The following DROSHA variants were observed in gnomAD, a reference collection of about 807,000 sequenced individuals.
The protein encoded by DROSHA is ribonuclease 3.
Under a neutral mutation model 181.9 loss-of-function variants are expected in DROSHA, and 56 were observed. The ratio of observed to expected loss-of-function variants is 0.31; its 90% CI spans 0.25 to 0.38. The LOEUF (loss-of-function observed/expected upper bound fraction) is 0.38, where lower values mean the gene tolerates loss of function less well. Ranked by LOEUF, DROSHA falls within the 10% of genes least tolerant of loss-of-function variation. DROSHA has a pLI of 1.00. For missense variants in DROSHA, 1,218 were observed against 1,743.5 expected (o/e 0.70, Z 5.37); for synonymous variants, 524 against 591.2 (o/e 0.89, Z 1.65).
Position 31,401,265 on chromosome 5 carries a change from C to G in DROSHA, c.*167G>C. 4 of 936,874 alleles carry G rather than the reference C, an allele frequency of 4.3e-6. No homozygotes were observed. The highest frequency in any genetic ancestry group is 2.9e-5 in the East Asian group (1 of 35,074). The allele number at this position is 936,874 out of a possible 1,614,324, so 58.0% of individuals were successfully genotyped here. On this transcript the variant is annotated 3_prime_UTR_variant, in exon 36 of 36. Coordinates refer to ENST00000344624, the MANE Select transcript of DROSHA (RefSeq NM_001382508.1). ...AAAATCTAATACTTTGTAATAAAGACCATCCAGCTAAAAACAGATCATTAA... is the reference window on the plus strand; with the variant it reads ...AAAATCTAATACTTTGTAATAAAGAGCATCCAGCTAAAAACAGATCATTAA...
intron 23 of DROSHA, among the ~76,000 whole-genome samples, chr5:31,447,345 C>T (rs1041637459): frequency 6.6e-5 from 10 of 152,110 alleles, no homozygotes; most frequent in Admixed American, 5.9e-4. Flanking sequence ...CACAAGTTTA[C>T]CTATGTAACA....
intron 20 of DROSHA, among the ~76,000 whole-genome samples, chr5:31,461,633 A>C (rs565617461): frequency 6.6e-6 from 1 of 152,294 alleles, no homozygotes; most frequent in East Asian, 1.9e-4. Flanking sequence ...ATTCTGGAAC[A>C]AGGAAAGGTA....
chr5:31,416,587 C>T (rs1741979694), intron 30 of DROSHA, among the ~76,000 whole-genome samples: 1 of 152,116 alleles, frequency 6.6e-6, no homozygotes, highest in Non-Finnish European at 1.5e-5. Flanking sequence ...CCAGAAGTCA[C>T]ACCAGAAAGG....
intron 16 of DROSHA, among the ~76,000 whole-genome samples, chr5:31,480,881 G>A (rs1750957976): frequency 6.6e-6 from 1 of 152,036 alleles, no homozygotes; most frequent in African/African-American, 2.4e-5. Flanking sequence ...GATGGGAAAG[G>A]CAAAATGCTA....
At position 31,464,229 on chromosome 5, in the gene DROSHA, T is replaced by C; in HGVS notation, c.2574+7A>G. 1 of 1,612,966 alleles carries C rather than the reference T, an allele frequency of 6.2e-7. No individual in the cohort carries two copies. ...GGGCATAACTGTGTCCTCAGAAGTC[T>C]CCCCACCTGACAGACATCAGAACGG... is the stretch of plus-strand genomic sequence containing the variant. On this transcript the variant is annotated splice_region_variant and intron_variant, in intron 20 of 35. Coordinates refer to ENST00000344624, the MANE Select transcript of DROSHA (RefSeq NM_001382508.1).
intron 23 of DROSHA, among the ~76,000 whole-genome samples, chr5:31,441,198 C>T (rs1346187075): frequency 1.6e-4 from 24 of 151,498 alleles, no homozygotes; most frequent in Non-Finnish European, 1.5e-5. Context: ...ACAGCTTAGG[C>T]CAGACGTTCA....
chr5:31,527,148 T>C (rs541952030), intron 4 of DROSHA, among the ~76,000 whole-genome samples: 159 of 152,218 alleles, frequency 1.0e-3, no homozygotes, highest in Middle Eastern at 6.8e-3. Flanking sequence ...GTTTAGTCCC[T>C]GGACCGACCA....
At chr5:31,469,547 G>T (rs918386279) in intron 17 of DROSHA, among the ~76,000 whole-genome samples, 4 of 152,156 alleles carry the variant, frequency 2.6e-5, no homozygotes, top group Non-Finnish European at 5.9e-5. Context: ...GCTATTTAAG[G>T]TCAAAGAATT....
At chr5:31,525,972 T>C in intron 5 of DROSHA, 107 bp downstream of exon 5, 1 of 1,115,368 alleles carries the variant, frequency 9.0e-7, no homozygotes, top group Non-Finnish European at 1.2e-6. Context: ...TTTCCTTACA[T>C]AAATCAAGAT....
chr5:31,505,033 CG>C (rs1332304233), intron 10 of DROSHA, among the ~76,000 whole-genome samples: 1 of 152,114 alleles, frequency 6.6e-6, no homozygotes, highest in African/African-American at 2.4e-5. Flanking sequence ...AGGTGACCTG[CG>C]GATTCAATGT....
chr5:31,496,922 C>G (rs553196265), intron 11 of DROSHA, among the ~76,000 whole-genome samples: 16 of 152,210 alleles, frequency 1.1e-4, no homozygotes, highest in Non-Finnish European at 2.2e-4. Flanking sequence ...AACCTATTTG[C>G]AGACTTCCAT....
intron 8 of DROSHA, 43 bp from the exon 9 acceptor site, chr5:31,511,219 C>A (rs368179284): frequency 1.2e-5 from 18 of 1,561,600 alleles, no homozygotes; most frequent in East Asian, 2.3e-5. Context: ...ATATCAATAA[C>A]GATCATATCA....
chr5:31,431,805 T>A (rs1335505531), intron 25 of DROSHA, 127 bp from the exon 26 acceptor site: 1 of 750,974 alleles, frequency 1.3e-6, no homozygotes, highest in Non-Finnish European at 2.2e-6. Flanking sequence ...TACAAATCCA[T>A]GAATATATTA....
At chr5:31,517,267 C>A (rs1330356587) in intron 6 of DROSHA, among the ~76,000 whole-genome samples, 1 of 152,128 alleles carries the variant, frequency 6.6e-6, no homozygotes, top group African/African-American at 2.4e-5. Context: ...TGCATTGTAA[C>A]CGTTTCCAGT....
intron 20 of DROSHA, among the ~76,000 whole-genome samples, chr5:31,458,857 G>A (rs1748014314): frequency 6.6e-6 from 1 of 152,152 alleles, no homozygotes; most frequent in African/African-American, 2.4e-5. Flanking sequence ...GGAAACACAA[G>A]GGGCAGAAGT....
chr5:31,429,423 A>C, intron 27 of DROSHA, 52 bp downstream of exon 27: 1 of 1,491,234 alleles, frequency 6.7e-7, no homozygotes, highest in Non-Finnish European at 9.1e-7. Context: ...CTGAAATAAA[A>C]TATTCTGTAA....
intron 16 of DROSHA, among the ~76,000 whole-genome samples, chr5:31,480,221 G>A (rs373195697): frequency 6.3e-5 from 5 of 79,826 alleles, no homozygotes; most frequent in Non-Finnish European, 1.8e-4. Flanking sequence ...ATACTCAAAT[G>A]TCCATTAATC....
rs1048141361 is a variant in DROSHA, at chr5:31,431,763, G to C, written c.3043-85C>G. 3.1e-6 allele frequency: 4 copies of C among 1,270,232 alleles called. No homozygotes were observed. In the African/African-American group the frequency reaches 5.9e-5, roughly 19 times the overall value. The allele number at this position is 1,270,232 out of a possible 1,614,324, so 78.7% of individuals were successfully genotyped here. On this transcript the variant is annotated intron_variant, in intron 25 of 35. Coordinates refer to ENST00000344624, the MANE Select transcript of DROSHA (RefSeq NM_001382508.1). ...ACTCAGCATCTCTTGCAGAGAGTTG[G>C]TGCGGAGACGAGATGGGGGCAGCGT...
chr5:31,479,491 C>T (rs1471328575), intron 16 of DROSHA, among the ~76,000 whole-genome samples: 1 of 152,152 alleles, frequency 6.6e-6, no homozygotes, highest in Non-Finnish European at 1.5e-5. Context: ...AGACTGATTA[C>T]AGCTCTGAAA....
Sources: allele counts gnomAD v4.1 joint callset (sites outside exome capture counted in the v4.1 genomes callset), GRCh38; gene constraint gnomAD v4.1.1; transcripts MANE v1.5; gene names NCBI Gene and HGNC (gene_info 2026-07-23, HGNC 2026-07-21).